The following RC3H1 variants were observed in gnomAD, a reference collection of about 807,000 sequenced individuals.
The protein encoded by RC3H1 is roquin-1.
In RC3H1, 50 loss-of-function variants were observed where a neutral mutation model predicts 138.2. The observed-to-expected ratio is 0.36, with a 90% confidence interval of 0.29 to 0.46. The LOEUF (loss-of-function observed/expected upper bound fraction) is 0.46, where lower values mean the gene tolerates loss of function less well. RC3H1 is among the 20% of genes least tolerant of loss of function. The probability of loss-of-function intolerance (pLI) is 1.00; values close to 1 mark genes in which losing one functional copy is unlikely to be tolerated. For synonymous variants in RC3H1, 462 were observed against 489.1 expected (o/e 0.94, Z 0.73); for missense variants, 1,031 against 1,388.1 (o/e 0.74, Z 4.09).
Position 173,972,553 on chromosome 1 carries a change from C to G in RC3H1, c.1177G>C (p.Asp393His), listed in dbSNP as rs776030480. Reference sequence around the variant, plus strand: ...TTTTTGCTGTGGTTCTGGATATAATCAACCAGCCCATGTACCACTGTACGC... The same window carrying G: ...TTTTTGCTGTGGTTCTGGATATAATGAACCAGCCCATGTACCACTGTACGC... ...AVRTVVHGLV[D>H]YIQNHSKKGA... is the part of the protein sequence containing the mutation. Residue 393 changes from aspartate to histidine, a missense_variant, in exon 8 of 20, where the codon GAT becomes CAT. Physicochemically the swap from Asp to His is moderately conservative, Grantham distance 81. Around this residue, in one of 7 missense-constraint regions of RC3H1, gnomAD observed 142 missense variants for 224.6 expected, o/e 0.63. Coordinates refer to ENST00000367696, the MANE Select transcript of RC3H1 (RefSeq NM_172071.4). 3 of 1,614,072 alleles carry G rather than the reference C, an allele frequency of 1.9e-6. No homozygotes were observed. Among genetic ancestry groups the G allele is most frequent in the South Asian group, 2.2e-5 (2 of 91,080 alleles).
intron 9 of RC3H1, among the ~76,000 whole-genome samples, chr1:173,966,486 C>T (rs948415063): frequency 2.0e-5 from 3 of 151,520 alleles, no homozygotes; most frequent in Middle Eastern, 3.2e-3. Flanking sequence ...GAGGCCGAGG[C>T]GGGCAGATCA....
chr1:173,962,216 A>C (rs1659917461), intron 11 of RC3H1, 121 bp from the exon 12 acceptor site: 1 of 986,792 alleles, frequency 1.0e-6, no homozygotes, highest in East Asian at 2.6e-5. Context: ...TTTCTTTACG[A>C]GTTTTCCATC....
intron 9 of RC3H1, among the ~76,000 whole-genome samples, chr1:173,966,796 A>T (rs1477797941): frequency 6.6e-6 from 1 of 152,166 alleles, no homozygotes; most frequent in Non-Finnish European, 1.5e-5. Context: ...GTTTCCCAAA[A>T]CTGACAAATT....
chr1:173,939,257 G>T lies in RC3H1; in HGVS notation c.3252-386C>A, dbSNP rs139455446. On this transcript the variant is annotated intron_variant, in intron 19 of 19. Coordinates refer to ENST00000367696, the MANE Select transcript of RC3H1 (RefSeq NM_172071.4). ...TGATTTAGCAGGTTTGCTACTACAAGAAATAATTTTGAGCTCATGCCTATA... is the reference window on the plus strand; with the variant it reads ...TGATTTAGCAGGTTTGCTACTACAATAAATAATTTTGAGCTCATGCCTATA... 7.6e-4 allele frequency among the ~76,000 whole-genome samples: 116 copies of T among 152,174 alleles called. 1 individual carries two copies. The highest frequency in any genetic ancestry group is 2.5e-3 in the African/African-American group (103 of 41,502).
chr1:173,996,366 A>G (rs894200694), intron 1 of RC3H1, among the ~76,000 whole-genome samples: 30 of 152,186 alleles, frequency 2.0e-4, no homozygotes, highest in African/African-American at 7.0e-4. Flanking sequence ...TAGTCTACGT[A>G]TTAATATATG....
intron 1 of RC3H1, among the ~76,000 whole-genome samples, chr1:173,996,887 T>C (rs1359358286): frequency 1.3e-5 from 2 of 152,118 alleles, no homozygotes; most frequent in Admixed American, 6.6e-5. Flanking sequence ...TGTGGAGTCA[T>C]TTTTTACTTG....
In RC3H1 at chr1:173,978,474, T is replaced by C. The variant is rs763802165; in HGVS notation, c.1102+14A>G. The stretch of plus-strand genomic sequence containing the variant: ...GCACATATAAGATAGTCCATTAATT[T>C]CCCGTGGGTTTACCTGGACTAGGGT... On this transcript the variant is annotated intron_variant, in intron 7 of 19. Coordinates refer to ENST00000367696, the MANE Select transcript of RC3H1 (RefSeq NM_172071.4). The C allele has an allele frequency of 6.2e-7, 1 of 1,612,572 alleles. No homozygotes were observed. Among genetic ancestry groups the C allele is most frequent in the South Asian group, 1.1e-5 (1 of 90,712 alleles).
rs537412752 is a variant in RC3H1 at position 173,931,614 on chromosome 1, T to C, written c.*7107A>G. On this transcript the variant is annotated 3_prime_UTR_variant, in exon 20 of 20. Transcript: ENST00000367696. Reference sequence around the variant, plus strand: ...CCACCACACTTGTTTTGAAAGCTGCTTAAAAATCAGAAATATTAAACAGAT... The same window carrying C: ...CCACCACACTTGTTTTGAAAGCTGCCTAAAAATCAGAAATATTAAACAGAT... 1 of 152,292 alleles carries C rather than the reference T, an allele frequency of 6.6e-6. No individual in the cohort carries two copies. Among genetic ancestry groups the C allele is most frequent in the East Asian group, 1.9e-4 (1 of 5,194 alleles). The allele number at this position is 152,292 out of a possible 1,614,324, so 9.4% of individuals were successfully genotyped here.
At position 174,007,408 on chromosome 1, in the gene RC3H1, T is replaced by C. The variant is rs143319049; in HGVS notation, c.-150-14273A>G. On this transcript the variant is annotated intron_variant, in intron 1 of 19. Coordinates refer to ENST00000367696, the MANE Select transcript of RC3H1 (RefSeq NM_172071.4). ...CCATCTCAAAAAAAAAAAAAATCTA[T>C]ATAACGGAATCATCAGTATGTATTC... Among the ~76,000 whole-genome samples, 645 of 151,816 alleles carry C rather than the reference T, an allele frequency of 4.2e-3. 5 individuals are homozygous for C. Among genetic ancestry groups the C allele is most frequent in the African/African-American group, 0.015 (614 of 41,418 alleles).
At chr1:173,965,596 A>T (rs1369279988) in intron 9 of RC3H1, among the ~76,000 whole-genome samples, 29 of 152,296 alleles carry the variant, frequency 1.9e-4, no homozygotes, top group Non-Finnish European at 1.5e-5. Context: ...TCTCAAAAAA[A>T]AGAGTAACAT....
intron 5 of RC3H1, 104 bp from the exon 6 acceptor site, chr1:173,981,113 T>C: frequency 1.1e-6 from 1 of 921,920 alleles, no homozygotes; most frequent in Non-Finnish European, 1.6e-6. Flanking sequence ...AACAGCAAGA[T>C]TAAATGAATA....
chr1:173,999,027 A>G (rs1284573586), intron 1 of RC3H1, among the ~76,000 whole-genome samples: 1 of 151,874 alleles, frequency 6.6e-6, no homozygotes, highest in Non-Finnish European at 1.5e-5. Context: ...CCAGGAGTTC[A>G]AGGTTTCAGT....
chr1:173,974,522 A>C (rs1660493087), intron 7 of RC3H1, among the ~76,000 whole-genome samples: 1 of 152,218 alleles, frequency 6.6e-6, no homozygotes. Context: ...TTCTGTAACT[A>C]ATTCTTCTTG....
At chr1:173,970,393 T>C (rs1168552197) in intron 9 of RC3H1, 112 bp downstream of exon 9, 2 of 763,340 alleles carry the variant, frequency 2.6e-6, no homozygotes, top group Non-Finnish European at 4.5e-6. Context: ...TGTTACATTC[T>C]AAAAATGTCC....
At chr1:173,964,297 C>T in intron 10 of RC3H1, 110 bp from the exon 11 acceptor site, 1 of 825,694 alleles carries the variant, frequency 1.2e-6, no homozygotes. Context: ...TTCTAATAGT[C>T]CTCCCTTCTA....
At chr1:173,958,554 A>C (rs1659738824) in intron 13 of RC3H1, among the ~76,000 whole-genome samples, 1 of 148,620 alleles carries the variant, frequency 6.7e-6, no homozygotes, top group East Asian at 2.0e-4. Flanking sequence ...TCACAAAACA[A>C]AAAAAAAAAA....
chr1:173,936,944 T>A lies in RC3H1; in HGVS notation c.*1777A>T, dbSNP rs1658631249. ...ATATACAGATATAGCTATGTATATA[T>A]GTATATATATAATATATATATAAAT... On this transcript the variant is annotated 3_prime_UTR_variant, in exon 20 of 20. Transcript: ENST00000367696. 1 of 147,312 alleles carries A rather than the reference T, an allele frequency of 6.8e-6. No individual in the cohort carries two copies. The highest frequency in any genetic ancestry group is 6.8e-5 in the Admixed American group (1 of 14,692). The allele number at this position is 147,312 out of a possible 1,614,324, so 9.1% of individuals were successfully genotyped here.
In RC3H1 at chr1:173,983,445, C is replaced by G; in HGVS notation, c.565G>C (p.Ala189Pro). ...LSSNLWAAVR[A>P]RGCQFLGPAM... ...GGTCCAAGGAACTGGCATCCCCTAG[C>G]CCTTACTGCTGCCCAAAGATTGGAA... is the stretch of plus-strand genomic sequence containing the variant. Residue 189 changes from alanine to proline, a missense_variant, in exon 4 of 20, where the codon GCT becomes CCT. Physicochemically the swap from Ala to Pro is conservative, Grantham distance 27. This residue lies in a region of RC3H1 where 53 missense variants were observed against 137.4 expected (regional missense o/e 0.39). Coordinates refer to ENST00000367696, the MANE Select transcript of RC3H1 (RefSeq NM_172071.4). 2.5e-6 allele frequency: 4 copies of G among 1,614,186 alleles called. No homozygotes were observed. The highest frequency in any genetic ancestry group is 3.4e-6 in the Non-Finnish European group (4 of 1,180,012).
At chr1:173,992,465 T>A (rs576912013) in intron 2 of RC3H1, among the ~76,000 whole-genome samples, 1 of 152,240 alleles carries the variant, frequency 6.6e-6, no homozygotes, top group South Asian at 2.1e-4. Context: ...TCTCTAGCGA[T>A]CTGCATAGCT....
Sources: gnomAD v4.1 joint callset for allele counts (sites outside exome capture counted in the v4.1 genomes callset) on GRCh38, gnomAD v4.1.1 for gene constraint, gnomAD v4.1.1 regional missense constraint, MANE v1.5 for transcripts, NCBI Gene and HGNC (gene_info 2026-07-23, HGNC 2026-07-21) for gene names.